DPYSL3: variants seen among roughly 807,000 people sequenced by gnomAD.
The protein encoded by DPYSL3 is dihydropyrimidinase like 3, also known as dihydropyrimidinase-related protein 3.
Under a neutral mutation model 66.1 loss-of-function variants are expected in DPYSL3, and 16 were observed. The observed-to-expected ratio is 0.24, with a 90% confidence interval of 0.16 to 0.37. The LOEUF is 0.37. Among genes scored for constraint, DPYSL3 ranks in the 10% least tolerant of loss-of-function variants. The probability of loss-of-function intolerance (pLI) is 1.00; values close to 1 mark genes in which losing one functional copy is unlikely to be tolerated. For synonymous variants in DPYSL3, 338 were observed against 345.1 expected, an observed-to-expected ratio of 0.98 and a Z score of 0.23; for missense variants, 738 against 916.2, an observed-to-expected ratio of 0.81 and a Z score of 2.51.
chr5:147,401,521 T>C lies in DPYSL3; in HGVS notation c.1310+19A>G. The C allele has an allele frequency of 6.3e-7, 1 of 1,599,490 alleles. No individual in the cohort carries two copies. The highest frequency in any genetic ancestry group is 8.5e-7 in the Non-Finnish European group (1 of 1,171,714). On this transcript the variant is annotated intron_variant, in intron 9 of 13. Coordinates refer to ENST00000343218, the MANE Select transcript of DPYSL3 (RefSeq NM_001197294.2). ...GATGTTTTCACAAAACGCCTGCTGC[T>C]GGGCATTCCTGCACCAACCTGGCCA...
At chr5:147,493,297 A>G (rs544643618) in intron 1 of DPYSL3, among the ~76,000 whole-genome samples, 1 of 152,300 alleles carries the variant, frequency 6.6e-6, no homozygotes, top group South Asian at 2.1e-4. Flanking sequence ...CATGGGCAGG[A>G]CGTGGTGGTT....
At chr5:147,468,357 C>T (rs1753039823) in intron 1 of DPYSL3, among the ~76,000 whole-genome samples, 1 of 152,210 alleles carries the variant, frequency 6.6e-6, no homozygotes, top group South Asian at 2.1e-4. Flanking sequence ...TTCACAACTA[C>T]AATGCACTGG....
intron 2 of DPYSL3, among the ~76,000 whole-genome samples, chr5:147,420,617 G>C (rs1481987581): frequency 6.6e-6 from 1 of 152,170 alleles, no homozygotes; most frequent in African/African-American, 2.4e-5. Context: ...TTCACAGACA[G>C]ACAAACAACT....
intron 1 of DPYSL3, among the ~76,000 whole-genome samples, chr5:147,486,002 T>C (rs1238225588): frequency 6.6e-6 from 1 of 152,084 alleles, no homozygotes; most frequent in Non-Finnish European, 1.5e-5. Flanking sequence ...ATACATACAA[T>C]GGAATACTAT....
At chr5:147,493,374 A>G (rs937524507) in intron 1 of DPYSL3, among the ~76,000 whole-genome samples, 1 of 152,158 alleles carries the variant, frequency 6.6e-6, no homozygotes, top group African/African-American at 2.4e-5. Context: ...AGAGTTTGAG[A>G]CCAGCCTGAG....
chr5:147,509,816 C>T lies in DPYSL3; in HGVS notation c.43G>A (p.Asp15Asn), dbSNP rs1455785161. The change falls in exon 1 of 14, where the codon GAT (aspartate) becomes AAT (asparagine). Residue 15 changes from aspartate (D) to asparagine (N), a missense_variant. Asp to Asn is a conservative substitution (Grantham distance 23). Transcript: ENST00000343218. This position sits in a 1 kb window ranked among gnomAD's most constrained non-coding sequence, Gnocchi z 5.3. ...RRGWDSSHEDDLPVYLARPGT... is the reference protein window; with the variant it reads ...RRGWDSSHEDNLPVYLARPGT... ...GGCCTGGCCAGGTACACGGGCAGAT[C>T]GTCTTCGTGGGAGCTGTCCCAGCCC... 2 of 1,535,714 alleles carry T rather than the reference C, an allele frequency of 1.3e-6. No individual in the cohort carries two copies. The highest frequency in any genetic ancestry group is 1.2e-5 in the South Asian group (1 of 84,028).
At chr5:147,401,432 G>T in intron 9 of DPYSL3, 108 bp downstream of exon 9, 1 of 1,287,452 alleles carries the variant, frequency 7.8e-7, no homozygotes, top group Non-Finnish European at 1.1e-6. Flanking sequence ...TGTTCACACT[G>T]CAGACTCTGG....
At chr5:147,406,840 A>G (rs760374637) in intron 7 of DPYSL3, among the ~76,000 whole-genome samples, 3 of 152,178 alleles carry the variant, frequency 2.0e-5, no homozygotes, top group Non-Finnish European at 2.9e-5. Flanking sequence ...CAGATGCCCA[A>G]TGGCTGTATA....
chr5:147,409,509 G>A (rs944873912), intron 6 of DPYSL3, among the ~76,000 whole-genome samples: 2 of 152,214 alleles, frequency 1.3e-5, no homozygotes, highest in African/African-American at 4.8e-5. Context: ...CTAAGTTAGT[G>A]TCTTGGTGAA....
chr5:147,465,451 C>T (rs140111146), intron 1 of DPYSL3, among the ~76,000 whole-genome samples: 29 of 152,170 alleles, frequency 1.9e-4, no homozygotes, highest in African/African-American at 6.0e-4. Flanking sequence ...AGGTGCCTGC[C>T]GCCACGCCTG....
chr5:147,462,746 G>C (rs1346030412), intron 1 of DPYSL3, among the ~76,000 whole-genome samples: 1 of 152,086 alleles, frequency 6.6e-6, no homozygotes, highest in Non-Finnish European at 1.5e-5. Context: ...AGTGTAAACA[G>C]CCCAACCACT....
At position 147,478,353 on chromosome 5, in the gene DPYSL3, A is replaced by G. The variant is rs533232008; in HGVS notation, c.381+31125T>C. 9.8e-5 allele frequency among the ~76,000 whole-genome samples: 15 copies of G among 152,362 alleles called. No individual in the cohort carries two copies. The East Asian group carries it at 2.9e-3, about 29-fold the overall frequency. ...GCACATTGCCTCTGTCAACAAAAAA[A>G]TCAGGGTTGCCTCAGTAAGAAAGAA... On this transcript the variant is annotated intron_variant, in intron 1 of 13. Coordinates refer to ENST00000343218, the MANE Select transcript of DPYSL3 (RefSeq NM_001197294.2).
rs540034798 is a variant in DPYSL3, at chr5:147,434,251, C to G, written c.382-9288G>C. On this transcript the variant is annotated intron_variant, in intron 1 of 13. Coordinates refer to ENST00000343218, the MANE Select transcript of DPYSL3 (RefSeq NM_001197294.2). ...GTATAAAGTCCAGTACAGATTAAAG[C>G]CAAGTCAGTGCTTTAGAGAGCTAAT... Among the ~76,000 whole-genome samples, 92 of 152,290 alleles carry G rather than the reference C, an allele frequency of 6.0e-4. No homozygotes were observed. In the Middle Eastern group the frequency reaches 0.014, roughly 23 times the overall value.
chr5:147,415,806 A>G lies in DPYSL3; in HGVS notation c.723T>C (p.Ala241=), dbSNP rs1331375127. The G allele has an allele frequency of 1.2e-6, 2 of 1,613,998 alleles. No individual in the cohort carries two copies. The highest frequency in any genetic ancestry group is 1.7e-6 in the Non-Finnish European group (2 of 1,179,992). ...TEAYEKWREW[A]DGKSCCDYAL... ...CATAGTCACAGCAACTCTTCCCATC[A>G]GCCCACTCTCTCCATTTCTCATAGG... The change falls in exon 4 of 14, where the codon GCT becomes GCC. Residue 241 remains alanine (A), a synonymous_variant. Coordinates refer to ENST00000343218, the MANE Select transcript of DPYSL3 (RefSeq NM_001197294.2).
Position 147,424,915 on chromosome 5 carries a change from A to T in DPYSL3, c.430T>A (p.Ser144Thr), listed in dbSNP as rs754503646. ...TCCATGTAAATATCAGCATAAAAGG[A>T]CTGATCATCATTGACGATTCTGCCT... ...KGGRIVNDDQ[S>T]FYADIYMEDG... is the part of the protein sequence containing the mutation. Residue 144 changes from serine to threonine, a missense_variant, in exon 2 of 14, where the codon TCC becomes ACC. Transcript: ENST00000343218. 3 of 1,613,180 alleles carry T rather than the reference A, an allele frequency of 1.9e-6. No individual in the cohort carries two copies. The African/African-American group carries it at 4.0e-5, about 22-fold the overall frequency.
chr5:147,446,543 T>A (rs1014111791), intron 1 of DPYSL3, among the ~76,000 whole-genome samples: 2 of 152,222 alleles, frequency 1.3e-5, no homozygotes, highest in South Asian at 2.1e-4. Context: ...AGCTTCCCCA[T>A]CTAGCTTAAA....
chr5:147,494,738 G>A (rs1055690240), intron 1 of DPYSL3, among the ~76,000 whole-genome samples: 4 of 150,102 alleles, frequency 2.7e-5, no homozygotes, highest in Non-Finnish European at 4.4e-5. Context: ...AATTAGCCGG[G>A]CATGGTGATA....
intron 5 of DPYSL3, 117 bp from the exon 6 acceptor site, chr5:147,412,805 TA>T: frequency 1.2e-6 from 1 of 862,814 alleles, no homozygotes; most frequent in African/African-American, 1.7e-5. Context: ...AATAAGTCAC[TA>T]GGGCAGAAAT....
At chr5:147,478,667 A>G (rs1355164710) in intron 1 of DPYSL3, among the ~76,000 whole-genome samples, 1 of 152,170 alleles carries the variant, frequency 6.6e-6, no homozygotes, top group Non-Finnish European at 1.5e-5. Flanking sequence ...CCCCCCACAC[A>G]CACCAGCATG....
Sources: allele counts gnomAD v4.1 joint callset (sites outside exome capture counted in the v4.1 genomes callset), GRCh38; gene constraint gnomAD v4.1.1; non-coding constraint Gnocchi (gnomAD v3.1); transcripts MANE v1.5; gene names NCBI Gene and HGNC (gene_info 2026-07-23, HGNC 2026-07-21).